The following CLIC5 variants were observed in gnomAD, a reference collection of about 807,000 sequenced individuals.
The protein encoded by CLIC5 is chloride intracellular channel protein 5.
In CLIC5, 20 loss-of-function variants were observed where a neutral mutation model predicts 24.7. The observed-to-expected ratio is 0.81, with a 90% confidence interval of 0.57 to 1.18. CLIC5 has a LOEUF of 1.18. Among genes scored for constraint, CLIC5 ranks in the 50% most tolerant of loss-of-function variants. The pLI, the probability that CLIC5 is intolerant of heterozygous loss-of-function variation, is 0.00. For synonymous variants in CLIC5, 159 were observed against 135.6 expected, an observed-to-expected ratio of 1.17 and a Z score of -1.20; for missense variants, 341 against 326.1, an observed-to-expected ratio of 1.05 and a Z score of -0.35.
At position 45,989,978 on chromosome 6, in the gene CLIC5, A is replaced by G. The variant is rs149672181; in HGVS notation, c.63+25502T>C. ...CTTTGTTCTTGAGAGGGAAGTGTAG[A>G]ATAGGAGCTTGGAAGTGAATCCCTA... On this transcript the variant is annotated intron_variant, in intron 1 of 5. Transcript: ENST00000339561. 4.5e-4 allele frequency among the ~76,000 whole-genome samples: 69 copies of G among 152,244 alleles called. No homozygotes were observed. The East Asian group carries it at 0.012, about 27-fold the overall frequency.
chr6:45,918,647 C>A (rs1475371251), intron 4 of CLIC5, among the ~76,000 whole-genome samples: 1 of 152,242 alleles, frequency 6.6e-6, no homozygotes, highest in Non-Finnish European at 1.5e-5. Context: ...CAGGAACCCA[C>A]CTGTGACCGT....
chr6:46,050,853 A>ATG (rs56660827), intron 1 of CLIC5, among the ~76,000 whole-genome samples: 47,459 of 148,522 alleles, frequency 0.32, 8,339 homozygotes, highest in African/African-American at 0.48. Flanking sequence ...GTGTGTGTGT[A>ATG]TGTGTGTGTG....
chr6:45,937,532 G>C (rs1763982415), intron 4 of CLIC5: 2 of 152,232 alleles, frequency 1.3e-5, no homozygotes, highest in Non-Finnish European at 2.9e-5. Flanking sequence ...CCCAGGCCGG[G>C]AATTGCACAT....
chr6:45,996,165 T>TC (rs1232646827), intron 1 of CLIC5, among the ~76,000 whole-genome samples: 2 of 151,576 alleles, frequency 1.3e-5, no homozygotes, highest in African/African-American at 4.8e-5. Flanking sequence ...TGATCTGGGC[T>TC]CTTTTTTGCA....
intron 1 of CLIC5, among the ~76,000 whole-genome samples, chr6:45,969,601 C>T (rs1000163851): frequency 8.6e-5 from 13 of 151,928 alleles, no homozygotes; most frequent in South Asian, 2.1e-4. Flanking sequence ...AAATCGTGAA[C>T]GTATGTAATT....
intron 4 of CLIC5, 98 bp downstream of exon 4, chr6:45,941,449 C>G: frequency 1.1e-6 from 1 of 933,228 alleles, no homozygotes; most frequent in Non-Finnish European, 1.8e-6. Context: ...AGATGCTTCT[C>G]TGGCCCAAGT....
chr6:46,122,794 T>C, the CLIC5 span, among the ~76,000 whole-genome samples: 2 of 152,050 alleles, frequency 1.3e-5, no homozygotes, highest in African/African-American at 4.8e-5. Flanking sequence ...CAGAGAATAA[T>C]ATAAACACCT....
intron 1 of CLIC5, among the ~76,000 whole-genome samples, chr6:45,972,764 C>G (rs976969915): frequency 9.8e-5 from 15 of 152,306 alleles, no homozygotes; most frequent in Non-Finnish European, 2.2e-4. Flanking sequence ...AGGCCTCATA[C>G]AGCAACAATC....
At chr6:46,046,989 C>T (rs189853588) in intron 1 of CLIC5, among the ~76,000 whole-genome samples, 1 of 152,342 alleles carries the variant, frequency 6.6e-6, no homozygotes, top group Admixed American at 6.5e-5. Flanking sequence ...TCCAAGACCT[C>T]TCACTTTCAC....
intron 1 of CLIC5, among the ~76,000 whole-genome samples, chr6:45,986,040 C>A (rs1765723922): frequency 6.6e-6 from 1 of 152,166 alleles, no homozygotes; most frequent in African/African-American, 2.4e-5. Context: ...GTCTTGCCTG[C>A]CACAATCTAA....
chr6:45,983,654 G>A (rs1765637059), intron 1 of CLIC5, among the ~76,000 whole-genome samples: 1 of 149,724 alleles, frequency 6.7e-6, no homozygotes, highest in African/African-American at 2.6e-5. Flanking sequence ...GGGAATGCCT[G>A]TGTAAAGAGA....
chr6:45,905,341 A>G (rs1186055322), intron 5 of CLIC5, among the ~76,000 whole-genome samples: 1 of 152,214 alleles, frequency 6.6e-6, no homozygotes, highest in East Asian at 1.9e-4. Flanking sequence ...TTAACACTGT[A>G]TAAGTGTTCC....
At chr6:46,111,288 A>G in the CLIC5 span, among the ~76,000 whole-genome samples, 1 of 152,164 alleles carries the variant, frequency 6.6e-6, no homozygotes, top group Non-Finnish European at 1.5e-5. Flanking sequence ...CTACTCAGAA[A>G]GCTCACTTAA....
At chr6:45,894,829 G>A (rs1762380009), downstream of CLIC5, among the ~76,000 whole-genome samples, 2 of 152,170 alleles carry the variant, frequency 1.3e-5, no homozygotes, top group African/African-American at 4.8e-5. Flanking sequence ...TGTAAGGTGA[G>A]GTCTTGGACA....
intron 1 of CLIC5, among the ~76,000 whole-genome samples, chr6:46,069,458 A>G (rs1231476213): frequency 6.6e-6 from 1 of 152,158 alleles, no homozygotes; most frequent in Non-Finnish European, 1.5e-5. Context: ...GAGAAAATCT[A>G]GAAGAAAATT....
intron 1 of CLIC5, among the ~76,000 whole-genome samples, chr6:46,021,499 T>G (rs886123857): frequency 2.0e-5 from 3 of 152,202 alleles, no homozygotes; most frequent in African/African-American, 7.2e-5. Context: ...ACAAAAGTAT[T>G]ATTCATAATT....
chr6:45,965,090 C>T lies in CLIC5; in HGVS notation c.64-9846G>A, dbSNP rs150041203. ...GGCACAAAAGTTCAACAGTACCTAG[C>T]GTTCAGGGTTTTGTGTATGAAGCAA... On this transcript the variant is annotated intron_variant, in intron 1 of 5. Transcript: ENST00000339561. Among the ~76,000 whole-genome samples the T allele has an allele frequency of 3.2e-4, 48 of 152,226 alleles. 1 individual carries two copies. Among genetic ancestry groups the T allele is most frequent in the African/African-American group, 1.1e-3 (47 of 41,538 alleles).
chr6:46,036,572 A>C (rs1767668165), intron 1 of CLIC5, among the ~76,000 whole-genome samples: 1 of 152,082 alleles, frequency 6.6e-6, no homozygotes, highest in Non-Finnish European at 1.5e-5. Flanking sequence ...GGCCTCCCAA[A>C]GTGCTGGGAT....
intron 3 of CLIC5, among the ~76,000 whole-genome samples, chr6:45,945,046 G>C (rs1764246564): frequency 6.6e-6 from 1 of 152,140 alleles, no homozygotes; most frequent in South Asian, 2.1e-4. Context: ...GAAGAGGCCT[G>C]GCTTATTCAT....
Sources: allele counts gnomAD v4.1 joint callset (sites outside exome capture counted in the v4.1 genomes callset), GRCh38; gene constraint gnomAD v4.1.1; transcripts MANE v1.5; gene names NCBI Gene and HGNC (gene_info 2026-07-23, HGNC 2026-07-21).